Variants in MIPOL1 observed in about 807,000 individuals in gnomAD.
MIPOL1 encodes mirror-image polydactyly 1.
MIPOL1 carries 57 observed loss-of-function variants against 60.9 expected under a neutral mutation model. That is an observed-to-expected ratio of 0.94 (90% CI 0.76 to 1.17). The LOEUF (loss-of-function observed/expected upper bound fraction) is 1.17, where lower values mean the gene tolerates loss of function less well. MIPOL1 is among the 50% of genes most tolerant of loss of function. The probability of loss-of-function intolerance (pLI) is 0.00; values close to 1 mark genes in which losing one functional copy is unlikely to be tolerated. For missense variants in MIPOL1, 551 were observed against 511.6 expected (o/e 1.08, Z -0.74); for synonymous variants, 179 against 168.8 (o/e 1.06, Z -0.47).
chr14:37,430,873 GT>G (rs1393922442), intron 11 of MIPOL1, among the ~76,000 whole-genome samples: 1 of 152,116 alleles, frequency 6.6e-6, no homozygotes, highest in African/African-American at 2.4e-5. Flanking sequence ...CCAGAAGGAC[GT>G]TTTTTGGCAT....
intron 12 of MIPOL1, chr14:37,506,275 A>G (rs938649210): frequency 6.6e-6 from 1 of 152,226 alleles, no homozygotes; most frequent in Non-Finnish European, 1.5e-5. Context: ...TGGAACCAAA[A>G]AAGAGCCCAT....
At chr14:37,351,402 A>G (rs1006939219) in intron 9 of MIPOL1, among the ~76,000 whole-genome samples, 2 of 150,412 alleles carry the variant, frequency 1.3e-5, no homozygotes, top group Non-Finnish European at 1.5e-5. Context: ...AGCATGATTT[A>G]TAGTCCTTTG....
chr14:37,269,264 C>A (rs2083105116), intron 5 of MIPOL1, among the ~76,000 whole-genome samples: 1 of 152,098 alleles, frequency 6.6e-6, no homozygotes, highest in African/African-American at 2.4e-5. Flanking sequence ...TCTTATACTG[C>A]TGCATTTTGT....
At chr14:37,222,961 G>T (rs1297299088) in intron 1 of MIPOL1, among the ~76,000 whole-genome samples, 1 of 152,204 alleles carries the variant, frequency 6.6e-6, no homozygotes, top group Non-Finnish European at 1.5e-5. Context: ...TAAAGAGAGG[G>T]TCTTCATCTA....
chr14:37,384,314 G>C (rs1168275494), intron 10 of MIPOL1, among the ~76,000 whole-genome samples: 3 of 151,640 alleles, frequency 2.0e-5, no homozygotes, highest in Non-Finnish European at 4.4e-5. Context: ...ATATTATATA[G>C]CTCTGATATT....
chr14:37,343,930 T>C (rs10132727), intron 9 of MIPOL1, among the ~76,000 whole-genome samples: 148,093 of 152,232 alleles, frequency 0.97, 72,081 homozygotes, highest in East Asian at 1. Context: ...TGAATCCTTA[T>C]GGTATTTTCA....
intron 12 of MIPOL1, among the ~76,000 whole-genome samples, chr14:37,529,298 A>G (rs560121432): frequency 1.3e-5 from 2 of 152,296 alleles, no homozygotes; most frequent in African/African-American, 4.8e-5. Flanking sequence ...CAAGATATAA[A>G]GACAGCTAAA....
intron 1 of MIPOL1, among the ~76,000 whole-genome samples, chr14:37,219,155 T>C (rs1205692025): frequency 6.6e-6 from 1 of 152,074 alleles, no homozygotes; most frequent in Non-Finnish European, 1.5e-5. Context: ...TTAGAGAAGA[T>C]TGTGGTTAAA....
At chr14:37,325,970 A>G (rs1484339440) in intron 9 of MIPOL1, among the ~76,000 whole-genome samples, 1 of 152,208 alleles carries the variant, frequency 6.6e-6, no homozygotes, top group African/African-American at 2.4e-5. Flanking sequence ...ATTTGGAACT[A>G]AGATGCTTGA....
intron 6 of MIPOL1, among the ~76,000 whole-genome samples, chr14:37,281,198 A>G (rs2084077916): frequency 6.6e-6 from 1 of 152,146 alleles, no homozygotes; most frequent in African/African-American, 2.4e-5. Flanking sequence ...AAGGGATGAG[A>G]TGATGCCTAT....
At chr14:37,378,174 A>G (rs569150087) in intron 10 of MIPOL1, among the ~76,000 whole-genome samples, 10 of 152,090 alleles carry the variant, frequency 6.6e-5, no homozygotes, top group Admixed American at 2.6e-4. Context: ...TAACCCAGCT[A>G]TTGCACTCCT....
intron 10 of MIPOL1, among the ~76,000 whole-genome samples, chr14:37,394,767 A>C (rs1333914204): frequency 6.6e-6 from 1 of 152,168 alleles, no homozygotes; most frequent in Non-Finnish European, 1.5e-5. Flanking sequence ...TCTTTAGTTT[A>C]ATTAAGTCCC....
At chr14:37,271,303 A>G (rs888279601) in intron 6 of MIPOL1, among the ~76,000 whole-genome samples, 3 of 152,036 alleles carry the variant, frequency 2.0e-5, no homozygotes, top group Non-Finnish European at 4.4e-5. Context: ...GCCATTTTAG[A>G]TATCACTGAT....
intron 12 of MIPOL1, among the ~76,000 whole-genome samples, chr14:37,530,972 C>A (rs1023293495): frequency 6.6e-6 from 1 of 151,994 alleles, no homozygotes; most frequent in African/African-American, 2.4e-5. Flanking sequence ...TGCCCGCCCC[C>A]ACGCCTGGCT....
intron 12 of MIPOL1, among the ~76,000 whole-genome samples, chr14:37,538,125 A>C (rs545574530): frequency 1.3e-5 from 2 of 152,338 alleles, no homozygotes; most frequent in South Asian, 4.1e-4. Context: ...CTGACAGCCA[A>C]ACCAGTCCTA....
intron 11 of MIPOL1, among the ~76,000 whole-genome samples, chr14:37,488,168 T>C (rs917934682): frequency 6.6e-6 from 1 of 152,214 alleles, no homozygotes; most frequent in Non-Finnish European, 1.5e-5. Flanking sequence ...TCTAATTTGA[T>C]TGCAGTGTGG....
chr14:37,262,882 G>A (rs146673582), intron 3 of MIPOL1, among the ~76,000 whole-genome samples: 19 of 152,120 alleles, frequency 1.2e-4, no homozygotes, highest in African/African-American at 3.6e-4. Flanking sequence ...CATCAAATCC[G>A]TTTACACAGA....
At chr14:37,292,222 C>A (rs547372631) in intron 7 of MIPOL1, among the ~76,000 whole-genome samples, 4 of 151,704 alleles carry the variant, frequency 2.6e-5, no homozygotes, top group African/African-American at 9.7e-5. Flanking sequence ...GAAGCCACCA[C>A]GCCCAGCTGG....
At chr14:37,362,226 A>G (rs868789834) in intron 9 of MIPOL1, among the ~76,000 whole-genome samples, 5 of 149,034 alleles carry the variant, frequency 3.4e-5, no homozygotes, top group Middle Eastern at 3.2e-3. Flanking sequence ...ACAATTTGGC[A>G]TGTTTTTGCA....
Sources: allele counts gnomAD v4.1 joint callset (sites outside exome capture counted in the v4.1 genomes callset), GRCh38; gene constraint gnomAD v4.1.1; transcripts MANE v1.5; gene names NCBI Gene and HGNC (gene_info 2026-07-23, HGNC 2026-07-21).